Variants in PCDHGA8 observed in about 807,000 individuals in gnomAD.
The protein encoded by PCDHGA8 is protocadherin gamma subfamily A, 8.
PCDHGA8 carries 45 observed loss-of-function variants against 59.2 expected under a neutral mutation model. The ratio of observed to expected loss-of-function variants is 0.76; its 90% CI spans 0.60 to 0.98. The LOEUF (loss-of-function observed/expected upper bound fraction) is 0.98. Ranked by LOEUF, PCDHGA8 falls within the 50% of genes least tolerant of loss-of-function variation. The probability of loss-of-function intolerance (pLI) is 0.00; values close to 1 mark genes in which losing one functional copy is unlikely to be tolerated. For synonymous variants in PCDHGA8, 531 were observed against 519.0 expected (o/e 1.02, Z -0.32); for missense variants, 1,257 against 1,196.2 (o/e 1.05, Z -0.75).
In PCDHGA8 at chr5:141,403,896, A is replaced by T. The variant is rs2094466164; in HGVS notation, c.2424+8659A>T. 6.2e-7 allele frequency: 1 copy of T among 1,613,866 alleles called. No individual in the cohort carries two copies. On this transcript the variant is annotated intron_variant, in intron 1 of 3. Transcript: ENST00000398604. The stretch of plus-strand genomic sequence containing the variant: ...CTAGATTATGAAGAATGTTCATTTT[A>T]TGAAATGGAAATACAAGCTGAAGAT...
In PCDHGA8 at chr5:141,489,652, C is replaced by A. The variant is rs767143028; in HGVS notation, c.2425-5155C>A. On this transcript the variant is annotated intron_variant, in intron 1 of 3. Transcript: ENST00000398604. The surrounding 1 kb of genome is among the most constrained non-coding windows in gnomAD (Gnocchi z 4.5). ...CTCTCCTAGCTTTGCCACCCCTGAG[C>A]GAGAGATGCGCATCTCAGAATCAGC... 34 of 1,614,024 alleles carry A rather than the reference C, an allele frequency of 2.1e-5. No homozygotes were observed. The Middle Eastern group carries it at 6.6e-4, about 31-fold the overall frequency.
At chr5:141,435,055 A>T (rs148331367) in intron 1 of PCDHGA8, among the ~76,000 whole-genome samples, 5 of 152,124 alleles carry the variant, frequency 3.3e-5, no homozygotes, top group Non-Finnish European at 7.4e-5. Flanking sequence ...TTGACCATGC[A>T]GCAGTTTTGT....
chr5:141,473,374 G>A (rs1437989884), intron 1 of PCDHGA8, among the ~76,000 whole-genome samples: 1 of 152,204 alleles, frequency 6.6e-6, no homozygotes, highest in African/African-American at 2.4e-5. Context: ...AAATAGCATG[G>A]TCCCTGCCCT....
intron 2 of PCDHGA8, among the ~76,000 whole-genome samples, chr5:141,499,146 C>T (rs1415999012): frequency 1.3e-5 from 2 of 152,132 alleles, no homozygotes; most frequent in African/African-American, 4.8e-5. Flanking sequence ...GTGTCTGATC[C>T]CAATAGCTGT....
rs983998465 is a variant in PCDHGA8 at position 141,494,817 on chromosome 5, C to T, written c.2435C>T (p.Pro812Leu). ...NEADHGQQAP[P>L]NTDWRFSQAQ... ...CTGTTTTCTCCACAGCAAGCCCCGC[C>T]CAACACGGACTGGCGTTTCTCTCAG... The change falls in exon 2 of 4, where the codon CCC becomes CTC. Residue 812 changes from proline to leucine, a missense_variant. Transcript: ENST00000398604. 1.2e-6 allele frequency: 2 copies of T among 1,614,016 alleles called. No individual in the cohort carries two copies. Among genetic ancestry groups the T allele is most frequent in the Non-Finnish European group, 1.7e-6 (2 of 1,180,026 alleles).
At chr5:141,420,311 T>C (rs762191274) in intron 1 of PCDHGA8, 102 of 1,454,698 alleles carry the variant, frequency 7.0e-5, no homozygotes, top group Non-Finnish European at 9.3e-5. Flanking sequence ...CTTTTTATAT[T>C]ACAATATGCC....
chr5:141,403,762 T>G (rs1217388200), intron 1 of PCDHGA8: 1 of 1,613,854 alleles, frequency 6.2e-7, no homozygotes, highest in Non-Finnish European at 8.5e-7. Flanking sequence ...GCGACCTGGA[T>G]GAGGGAATCA....
intron 1 of PCDHGA8, among the ~76,000 whole-genome samples, chr5:141,484,569 AGACT>A (rs1376518478): frequency 1.3e-5 from 2 of 152,106 alleles, no homozygotes; most frequent in African/African-American, 2.4e-5. Context: ...CAATACAATC[AGACT>A]GAGACGGAAG....
chr5:141,426,565 T>G, intron 1 of PCDHGA8: 1 of 351,600 alleles, frequency 2.8e-6, no homozygotes, highest in Non-Finnish European at 5.7e-6. Flanking sequence ...AGATCGAGAG[T>G]CACTGTCTTC....
intron 1 of PCDHGA8, among the ~76,000 whole-genome samples, chr5:141,461,980 C>G (rs759291534): frequency 9.2e-5 from 14 of 152,176 alleles, no homozygotes; most frequent in Non-Finnish European, 1.5e-4. Flanking sequence ...TATGCCACCA[C>G]GCCAGGCTAA....
chr5:141,430,622 A>T, intron 1 of PCDHGA8: 1 of 752,270 alleles, frequency 1.3e-6, no homozygotes, highest in Admixed American at 2.9e-5. Context: ...GATAGCTAGG[A>T]ATGAACCATC....
intron 1 of PCDHGA8, chr5:141,409,628 G>A (rs367728235): frequency 1.2e-6 from 2 of 1,613,730 alleles, no homozygotes; most frequent in Non-Finnish European, 1.7e-6. Context: ...GCAAGTGAGC[G>A]CCTCTGACCC....
chr5:141,489,229 G>C lies in PCDHGA8; in HGVS notation c.2425-5578G>C. The C allele has an allele frequency of 6.6e-7, 1 of 1,522,252 alleles. No homozygotes were observed. Among genetic ancestry groups the C allele is most frequent in the Non-Finnish European group, 8.8e-7 (1 of 1,133,810 alleles). The allele number at this position is 1,522,252 out of a possible 1,614,324, so 94.3% of individuals were successfully genotyped here. On this transcript the variant is annotated intron_variant, in intron 1 of 3. Coordinates refer to ENST00000398604, the MANE Select transcript of PCDHGA8 (RefSeq NM_032088.2). This position sits in a 1 kb window ranked among gnomAD's most constrained non-coding sequence, Gnocchi z 4.5. ...AGCACAGACTTACTCTCCACAAAGG[G>C]ACTTCTGGGTCATGGGGCCCAAGAC...
chr5:141,395,489 A>C (rs1268928793), intron 1 of PCDHGA8: 1 of 480,438 alleles, frequency 2.1e-6, no homozygotes, highest in Non-Finnish European at 3.6e-6. Flanking sequence ...TCCTATTATC[A>C]CTCATTCACT....
At position 141,489,264 on chromosome 5, in the gene PCDHGA8, G is replaced by T. The variant is rs1314393358; in HGVS notation, c.2425-5543G>T. 10 of 1,553,088 alleles carry T rather than the reference G, an allele frequency of 6.4e-6. No individual in the cohort carries two copies. Among genetic ancestry groups the T allele is most frequent in the Non-Finnish European group, 7.0e-6 (8 of 1,149,620 alleles). ...TCATGGGGCCCAAGACACTCCCACA[G>T]CTCGCTGGGAAATGGCAAGTGCTGT... On this transcript the variant is annotated intron_variant, in intron 1 of 3. Transcript: ENST00000398604. The surrounding 1 kb of genome is among the most constrained non-coding windows in gnomAD (Gnocchi z 4.5).
intron 1 of PCDHGA8, among the ~76,000 whole-genome samples, chr5:141,473,313 T>C (rs1173941642): frequency 2.7e-4 from 41 of 152,246 alleles, no homozygotes; most frequent in Non-Finnish European, 5.9e-5. Context: ...GCTATATTAA[T>C]AAGCATTAAG....
rs1472816403 is a variant in PCDHGA8 at position 141,451,473 on chromosome 5, C to T, written c.2425-43334C>T. On this transcript the variant is annotated intron_variant, in intron 1 of 3. Transcript: ENST00000398604. ...TGTTAGCTTGAGGTCTACCTCAGTTCCTTGCCATGTGGACCTCCATAGGGC... is the reference window on the plus strand; with the variant it reads ...TGTTAGCTTGAGGTCTACCTCAGTTTCTTGCCATGTGGACCTCCATAGGGC... Among the ~76,000 whole-genome samples the T allele has an allele frequency of 2.0e-5, 3 of 152,218 alleles. No homozygotes were observed. In the East Asian group the frequency reaches 5.8e-4, roughly 29 times the overall value.
chr5:141,437,444 G>A (rs957088733), intron 1 of PCDHGA8, among the ~76,000 whole-genome samples: 26 of 152,212 alleles, frequency 1.7e-4, no homozygotes, highest in Admixed American at 2.0e-4. Context: ...GCATAGGAAT[G>A]TTGAGGAGAC....
At position 141,489,494 on chromosome 5, in the gene PCDHGA8, C is replaced by A. The variant is rs1191408769; in HGVS notation, c.2425-5313C>A. ...CTGAGCTTGATGAGTGGTGCCCTGGCAGTGAATCAAAAGATTGACCGAGAA... is the reference window on the plus strand; with the variant it reads ...CTGAGCTTGATGAGTGGTGCCCTGGAAGTGAATCAAAAGATTGACCGAGAA... On this transcript the variant is annotated intron_variant, in intron 1 of 3. Coordinates refer to ENST00000398604, the MANE Select transcript of PCDHGA8 (RefSeq NM_032088.2). This position sits in a 1 kb window ranked among gnomAD's most constrained non-coding sequence, Gnocchi z 4.5. 1.1e-5 allele frequency: 18 copies of A among 1,613,932 alleles called. No individual in the cohort carries two copies. The highest frequency in any genetic ancestry group is 1.7e-5 in the Admixed American group (1 of 59,998).
Sources: allele counts gnomAD v4.1 joint callset (sites outside exome capture counted in the v4.1 genomes callset), GRCh38; gene constraint gnomAD v4.1.1; non-coding constraint Gnocchi (gnomAD v3.1); transcripts MANE v1.5; gene names NCBI Gene and HGNC (gene_info 2026-07-23, HGNC 2026-07-21).